NUP54: variants seen among roughly 807,000 people sequenced by gnomAD.
NUP54 encodes the protein nucleoporin p54.
A neutral mutation model predicts 66.4 loss-of-function variants in NUP54; 27 were observed. That is an observed-to-expected ratio of 0.41 (90% confidence interval 0.30 to 0.56). The LOEUF (loss-of-function observed/expected upper bound fraction) is 0.56. NUP54 is among the 20% of genes least tolerant of loss of function. The pLI, the probability that NUP54 is intolerant of heterozygous loss-of-function variation, is 0.34. For synonymous variants in NUP54, 206 were observed against 210.7 expected (o/e 0.98, Z 0.19); for missense variants, 486 against 596.3 (o/e 0.82, Z 1.93).
intron 3 of NUP54, among the ~76,000 whole-genome samples, chr4:76,138,602 A>T (rs183915915): frequency 6.6e-6 from 1 of 152,254 alleles, no homozygotes; most frequent in Non-Finnish European, 1.5e-5. Context: ...AACAATTGTG[A>T]TAAGTCCTTC....
chr4:76,133,860 T>C (rs1263837860), intron 5 of NUP54, among the ~76,000 whole-genome samples: 1 of 152,218 alleles, frequency 6.6e-6, no homozygotes, highest in Non-Finnish European at 1.5e-5. Flanking sequence ...TGAATGAACA[T>C]GAACAGTAAT....
rs1401621059 is a variant in NUP54, at chr4:76,131,131, C to CCAGGAAA, written c.962+98_962+99insTTTCCTG. ...TAAAGGCCAGGAAAATGAAAATAAA[C>CCAGGAAA]TTGTCTCATATGTAAGAATTATAAT... is the stretch of plus-strand genomic sequence containing the variant. On this transcript the variant is annotated intron_variant, in intron 7 of 11. Transcript: ENST00000264883. The CCAGGAAA allele has an allele frequency of 4.8e-5, 37 of 777,862 alleles. No homozygotes were observed. The African/African-American group carries it at 5.6e-4, about 12-fold the overall frequency. The allele number at this position is 777,862 out of a possible 1,614,324, so 48.2% of individuals were successfully genotyped here. A position where few individuals can be genotyped will look rare whatever the true frequency, so the allele number is the denominator to read the frequency against.
chr4:76,136,073 C>T, intron 4 of NUP54, 113 bp downstream of exon 4: 1 of 722,918 alleles, frequency 1.4e-6, no homozygotes, highest in Non-Finnish European at 2.3e-6. Context: ...AAAGTATAAT[C>T]ATACCATGTT....
chr4:76,117,062 C>A (rs973001930), intron 11 of NUP54, among the ~76,000 whole-genome samples: 4 of 152,148 alleles, frequency 2.6e-5, no homozygotes, highest in Non-Finnish European at 4.4e-5. Flanking sequence ...AGTTGAAATT[C>A]TGTACCAGTT....
At chr4:76,145,369 ACT>A (rs1491521297) in intron 1 of NUP54, among the ~76,000 whole-genome samples, 2 of 147,422 alleles carry the variant, frequency 1.4e-5, no homozygotes, top group Non-Finnish European at 3.0e-5. Flanking sequence ...TAATTCAACT[ACT>A]TTTTTTTGCA....
intron 9 of NUP54, among the ~76,000 whole-genome samples, chr4:76,123,056 G>C (rs1730302624): frequency 6.6e-6 from 1 of 152,212 alleles, no homozygotes; most frequent in Non-Finnish European, 1.5e-5. Context: ...GATTTGCAGT[G>C]AAACGGGGAA....
intron 8 of NUP54, among the ~76,000 whole-genome samples, chr4:76,127,506 T>G (rs1730596302): frequency 6.6e-6 from 1 of 150,746 alleles, no homozygotes. Flanking sequence ...ACATACTTTA[T>G]ATAAAGGTAA....
chr4:76,137,231 C>T (rs1055571702), intron 3 of NUP54, among the ~76,000 whole-genome samples: 3 of 152,100 alleles, frequency 2.0e-5, no homozygotes, highest in African/African-American at 7.2e-5. Flanking sequence ...CTTCTGAGCT[C>T]AAGCGACTCT....
chr4:76,134,038 C>G lies in NUP54; in HGVS notation c.710+137G>C, dbSNP rs182258678. 391 of 595,076 alleles carry G rather than the reference C, an allele frequency of 6.6e-4. 1 individual carries two copies. In the African/African-American group the frequency reaches 6.9e-3, roughly 11 times the overall value. 36.9% of individuals were successfully genotyped at this position (595,076 alleles called of 1,614,324 possible). A position where few individuals can be genotyped will look rare whatever the true frequency, so the allele number is the denominator to read the frequency against. ...TTTTAAATAAATGTTTTTATCAATACTGAATAATCACTAGCTGAGAAAAGG... is the reference window on the plus strand; with the variant it reads ...TTTTAAATAAATGTTTTTATCAATAGTGAATAATCACTAGCTGAGAAAAGG... On this transcript the variant is annotated intron_variant, in intron 5 of 11. Coordinates refer to ENST00000264883, the MANE Select transcript of NUP54 (RefSeq NM_017426.4).
At chr4:76,130,074 G>A (rs866972864) in intron 8 of NUP54, among the ~76,000 whole-genome samples, 1 of 125,226 alleles carries the variant, frequency 8.0e-6, no homozygotes, top group Non-Finnish European at 1.6e-5. Flanking sequence ...TCTGCCTCCC[G>A]GGTTCAAACA....
rs1451607165 is a variant in NUP54, at chr4:76,115,328, G to A, written c.*38C>T. 1 of 1,524,434 alleles carries A rather than the reference G, an allele frequency of 6.6e-7. No individual in the cohort carries two copies. Among genetic ancestry groups the A allele is most frequent in the Non-Finnish European group, 8.8e-7 (1 of 1,139,152 alleles). The allele number at this position is 1,524,434 out of a possible 1,614,324, so 94.4% of individuals were successfully genotyped here. On this transcript the variant is annotated 3_prime_UTR_variant, in exon 12 of 12. Transcript: ENST00000264883. ...TAAGGAAGGTCTGATGCAGTAAGAA[G>A]ATGCATTTCACAAACCTTTACACAA... is the stretch of plus-strand genomic sequence containing the variant.
At chr4:76,146,330 A>G (rs60455690) in intron 1 of NUP54, among the ~76,000 whole-genome samples, 20,006 of 152,240 alleles carry the variant, frequency 0.13, 1,535 homozygotes, top group East Asian at 0.35. Context: ...GGCTTTATTC[A>G]GAAACACAAA....
At chr4:76,121,696 C>T (rs1177267829) in intron 9 of NUP54, among the ~76,000 whole-genome samples, 1 of 152,138 alleles carries the variant, frequency 6.6e-6, no homozygotes, top group Non-Finnish European at 1.5e-5. Context: ...GTATTCTCAT[C>T]TAAGAATATA....
intron 9 of NUP54, among the ~76,000 whole-genome samples, chr4:76,121,970 T>C (rs1044582940): frequency 2.0e-5 from 3 of 152,238 alleles, no homozygotes; most frequent in African/African-American, 7.2e-5. Context: ...GTTTTATTTA[T>C]GAAAACCTCC....
intron 9 of NUP54, among the ~76,000 whole-genome samples, chr4:76,122,070 C>G (rs993455456): frequency 1.3e-5 from 2 of 152,066 alleles, no homozygotes; most frequent in Non-Finnish European, 2.9e-5. Context: ...GGAGTATTTG[C>G]TATTCATTTT....
At chr4:76,121,170 G>T (rs1228635105) in intron 9 of NUP54, among the ~76,000 whole-genome samples, 1 of 151,990 alleles carries the variant, frequency 6.6e-6, no homozygotes, top group African/African-American at 2.4e-5. Context: ...CTTCCTTATG[G>T]ATAGTTATAC....
chr4:76,148,060 C>A (rs62302566), intron 1 of NUP54: 1 of 422,620 alleles, frequency 2.4e-6, no homozygotes, highest in African/African-American at 2.0e-5. Context: ...GGAAGCGAAC[C>A]GCTCAAGCCA....
intron 8 of NUP54, among the ~76,000 whole-genome samples, chr4:76,125,628 G>GT (rs1290136333): frequency 7.5e-5 from 3 of 40,020 alleles, no homozygotes; most frequent in African/African-American, 3.9e-4. Context: ...GGGAGAGGGA[G>GT]AGGGGGAGAG....
At chr4:76,115,557 A>G in intron 11 of NUP54, 63 bp from the exon 12 acceptor site, 1 of 1,351,368 alleles carries the variant, frequency 7.4e-7, no homozygotes, top group Non-Finnish European at 9.9e-7. Context: ...AGCTAGTCAC[A>G]GGAAAAAAGA....
Sources: gnomAD v4.1 joint callset for allele counts (sites outside exome capture counted in the v4.1 genomes callset) on GRCh38, gnomAD v4.1.1 for gene constraint, MANE v1.5 for transcripts, NCBI Gene and HGNC (gene_info 2026-07-23, HGNC 2026-07-21) for gene names.